MYOCD: variants seen among roughly 807,000 people sequenced by gnomAD.
MYOCD encodes the protein myocardin.
MYOCD carries 32 observed loss-of-function variants against 96.1 expected under a neutral mutation model. The observed-to-expected ratio is 0.33, with a 90% CI of 0.25 to 0.45. MYOCD has a LOEUF of 0.45. MYOCD is among the 20% of genes least tolerant of loss of function. MYOCD has a pLI of 1.00. For missense variants in MYOCD, 1,133 were observed against 1,200.6 expected, an observed-to-expected ratio of 0.94 and a Z score of 0.83; for synonymous variants, 469 against 469.0, an observed-to-expected ratio of 1.00 and a Z score of 0.00.
At chr17:12,714,699 G>A (rs1232979894) in intron 2 of MYOCD, among the ~76,000 whole-genome samples, 1 of 152,188 alleles carries the variant, frequency 6.6e-6, no homozygotes, top group African/African-American at 2.4e-5. Context: ...GAGGTGCTAT[G>A]AAGGGTGATG....
intron 5 of MYOCD, among the ~76,000 whole-genome samples, chr17:12,732,884 A>G (rs1474044742): frequency 1.3e-5 from 2 of 152,284 alleles, no homozygotes; most frequent in East Asian, 3.9e-4. Flanking sequence ...AATTAAATTC[A>G]TCGGGACTCT....
At chr17:12,734,504 CTTTTTTTTTT>C (rs3050319) in intron 5 of MYOCD, among the ~76,000 whole-genome samples, 5 of 65,470 alleles carry the variant, frequency 7.6e-5, no homozygotes, top group Non-Finnish European at 1.0e-4. Flanking sequence ...ACACATGATC[CTTTTTTTTTT>C]TTTTTTTTTT....
intron 6 of MYOCD, 74 bp downstream of exon 6, chr17:12,736,410 A>G (rs2032347731): frequency 6.9e-7 from 1 of 1,449,946 alleles, no homozygotes; most frequent in Non-Finnish European, 9.5e-7. Flanking sequence ...CTTAACATCA[A>G]CACTGTTAAC....
At chr17:12,753,551 T>A (rs1222477153) in intron 10 of MYOCD, among the ~76,000 whole-genome samples, 1 of 152,198 alleles carries the variant, frequency 6.6e-6, no homozygotes, top group Non-Finnish European at 1.5e-5. Flanking sequence ...GCAAACTTAC[T>A]CTGTAAAGGG....
At chr17:12,748,542 T>C (rs1455492192) in intron 9 of MYOCD, among the ~76,000 whole-genome samples, 1 of 152,186 alleles carries the variant, frequency 6.6e-6, no homozygotes, top group East Asian at 1.9e-4. Flanking sequence ...GTTTAAAAAG[T>C]TATTAGTGAT....
intron 1 of MYOCD, among the ~76,000 whole-genome samples, chr17:12,687,725 G>A (rs970336220): frequency 2.0e-5 from 3 of 152,176 alleles, no homozygotes; most frequent in African/African-American, 4.8e-5. Context: ...GCGCTGAAGA[G>A]GTTGCAGCAA....
chr17:12,748,374 T>G (rs1467306103), intron 9 of MYOCD, among the ~76,000 whole-genome samples: 1 of 152,148 alleles, frequency 6.6e-6, no homozygotes, highest in Non-Finnish European at 1.5e-5. Context: ...TATGTATGCT[T>G]TGCTTCAAAA....
At chr17:12,690,469 A>T (rs186879788) in intron 1 of MYOCD, among the ~76,000 whole-genome samples, 2 of 152,328 alleles carry the variant, frequency 1.3e-5, no homozygotes, top group East Asian at 3.9e-4. Flanking sequence ...GGGATTAAAT[A>T]GATATTGAAG....
chr17:12,727,012 C>T (rs951847574), intron 5 of MYOCD, among the ~76,000 whole-genome samples: 1 of 152,078 alleles, frequency 6.6e-6, no homozygotes, highest in African/African-American at 2.4e-5. Context: ...AAGTAGTAGA[C>T]AGTATTGGCT....
intron 5 of MYOCD, among the ~76,000 whole-genome samples, 186 bp downstream of exon 5, chr17:12,723,194 T>C (rs546760612): frequency 4.6e-5 from 7 of 152,276 alleles, no homozygotes; most frequent in African/African-American, 1.4e-4. Flanking sequence ...TCCCCATTCT[T>C]GTACACCCCA....
At chr17:12,715,323 G>A (rs999977428) in intron 2 of MYOCD, among the ~76,000 whole-genome samples, 196 bp from the exon 3 acceptor site, 11 of 151,900 alleles carry the variant, frequency 7.2e-5, no homozygotes, top group African/African-American at 2.4e-4. Context: ...TTGAGGCTTC[G>A]ATTCCACTTC....
intron 1 of MYOCD, among the ~76,000 whole-genome samples, chr17:12,678,672 A>ATT (rs1174161678): frequency 6.6e-6 from 1 of 151,776 alleles, no homozygotes; most frequent in Non-Finnish European, 1.5e-5. Flanking sequence ...TAATATTTTT[A>ATT]TTTTTTTGTT....
At chr17:12,737,268 A>G (rs1282758666) in intron 6 of MYOCD, among the ~76,000 whole-genome samples, 1 of 152,198 alleles carries the variant, frequency 6.6e-6, no homozygotes, top group Non-Finnish European at 1.5e-5. Flanking sequence ...AGGGGGAAAA[A>G]AAAAGAATAA....
At chr17:12,727,208 T>TCTTCTCTTAAGTC (rs2032024746) in intron 5 of MYOCD, among the ~76,000 whole-genome samples, 1 of 152,186 alleles carries the variant, frequency 6.6e-6, no homozygotes, top group Non-Finnish European at 1.5e-5. Flanking sequence ...AGGCAGAAGA[T>TCTTCTCTTAAGTC]ACAGGGTGAC....
At chr17:12,738,308 T>C (rs75898659) in intron 6 of MYOCD, among the ~76,000 whole-genome samples, 4,007 of 152,208 alleles carry the variant, frequency 0.026, 174 homozygotes, top group African/African-American at 0.09. Context: ...TCACCCCCCA[T>C]GGAGAGATCA....
intron 1 of MYOCD, among the ~76,000 whole-genome samples, chr17:12,691,937 G>T (rs748019764): frequency 6.6e-6 from 1 of 152,136 alleles, no homozygotes; most frequent in Non-Finnish European, 1.5e-5. Flanking sequence ...AAACACTTCA[G>T]TCCCCAAGAC....
chr17:12,677,978 C>A (rs1354685575), intron 1 of MYOCD, among the ~76,000 whole-genome samples: 1 of 150,496 alleles, frequency 6.6e-6, no homozygotes, highest in African/African-American at 2.4e-5. Context: ...CTGCAACCTC[C>A]GCCTCCCAGG....
At position 12,736,306 on chromosome 17, in the gene MYOCD, C is replaced by A; in HGVS notation, c.561C>A (p.Thr187=). 6.2e-7 allele frequency: 1 copy of A among 1,614,050 alleles called. No homozygotes were observed. Among genetic ancestry groups the A allele is most frequent in the Non-Finnish European group, 8.5e-7 (1 of 1,179,996 alleles). Residue 187 remains threonine, a synonymous_variant, in exon 6 of 14, where the codon ACC becomes ACA. Coordinates refer to ENST00000425538, the MANE Select transcript of MYOCD (RefSeq NM_001146312.3). ...CGCCAGACGCTAAAGCCTCAGATACCCCTTCGACAGGTTCTCTGGGGACAA... is the reference window on the plus strand; with the variant it reads ...CGCCAGACGCTAAAGCCTCAGATACACCTTCGACAGGTTCTCTGGGGACAA... The part of the protein sequence containing the change: ...GSPPDAKASD[T]PSTGSLGTNQ...
intron 5 of MYOCD, among the ~76,000 whole-genome samples, chr17:12,726,489 AT>A (rs1213291991): frequency 1.3e-5 from 2 of 152,156 alleles, no homozygotes; most frequent in African/African-American, 2.4e-5. Flanking sequence ...ATTAAAAAAA[AT>A]CTCAACCTGG....
Sources: gnomAD v4.1 joint callset for allele counts (sites outside exome capture counted in the v4.1 genomes callset) on GRCh38, gnomAD v4.1.1 for gene constraint, MANE v1.5 for transcripts, NCBI Gene and HGNC (gene_info 2026-07-23, HGNC 2026-07-21) for gene names.